The following IQCM variants were observed in gnomAD, a reference collection of about 807,000 sequenced individuals.
The protein encoded by IQCM is IQ domain-containing protein M.
A neutral mutation model predicts 57.6 loss-of-function variants in IQCM; 45 were observed. The observed-to-expected ratio is 0.78, with a 90% CI of 0.62 to 1.00. IQCM has a LOEUF of 1.00. Among genes scored for constraint, IQCM ranks in the 50% least tolerant of loss-of-function variants. IQCM has a pLI of 0.00. For missense variants in IQCM, 468 were observed against 511.6 expected, an observed-to-expected ratio of 0.91 and a Z score of 0.82; for synonymous variants, 148 against 158.9, an observed-to-expected ratio of 0.93 and a Z score of 0.51.
chr4:149,454,914 A>C (rs1737523290), intron 12 of IQCM, among the ~76,000 whole-genome samples: 1 of 151,952 alleles, frequency 6.6e-6, no homozygotes, highest in Non-Finnish European at 1.5e-5. Flanking sequence ...TTATGTTTGC[A>C]ATGAAGAAAA....
At chr4:149,627,858 G>A (rs369500589) in intron 7 of IQCM, among the ~76,000 whole-genome samples, 1 of 152,190 alleles carries the variant, frequency 6.6e-6, no homozygotes, top group Non-Finnish European at 1.5e-5. Context: ...CCTTACAAGA[G>A]AGGCAGAGGC....
intron 2 of IQCM, among the ~76,000 whole-genome samples, chr4:149,786,577 A>G (rs1187655105): frequency 6.6e-6 from 1 of 152,240 alleles, no homozygotes; most frequent in African/African-American, 2.4e-5. Context: ...AACATATGAA[A>G]AAAGCCCAAC....
chr4:149,556,662 T>G (rs1296644067), intron 10 of IQCM, among the ~76,000 whole-genome samples: 1 of 152,176 alleles, frequency 6.6e-6, no homozygotes, highest in Non-Finnish European at 1.5e-5. Flanking sequence ...GAAATAAAAA[T>G]TGAACATTCT....
At chr4:149,358,992 AAG>A (rs1729277671) in intron 13 of IQCM, among the ~76,000 whole-genome samples, 1 of 142,672 alleles carries the variant, frequency 7.0e-6, no homozygotes, top group Non-Finnish European at 1.5e-5. Flanking sequence ...GAAAAGTAAA[AAG>A]AAAGAAAAAA....
At chr4:149,599,643 A>C (rs1754089172) in intron 8 of IQCM, among the ~76,000 whole-genome samples, 1 of 152,096 alleles carries the variant, frequency 6.6e-6, no homozygotes. Context: ...CTTGAGCTTA[A>C]ATTGAGCATA....
intron 12 of IQCM, among the ~76,000 whole-genome samples, chr4:149,488,145 A>G (rs888915488): frequency 3.3e-5 from 5 of 152,236 alleles, no homozygotes; most frequent in African/African-American, 1.2e-4. Flanking sequence ...CTTCATATAA[A>G]TTTATTGGTA....
chr4:149,782,824 G>A (rs1246217312), intron 2 of IQCM, among the ~76,000 whole-genome samples: 1 of 152,126 alleles, frequency 6.6e-6, no homozygotes, highest in Non-Finnish European at 1.5e-5. Context: ...TGATAATCAT[G>A]TGAAACATTT....
At chr4:149,790,302 G>A (rs572121273) in intron 2 of IQCM, 3 of 241,418 alleles carry the variant, frequency 1.2e-5, no homozygotes, top group African/African-American at 6.9e-5. Context: ...TATGTTTCAT[G>A]AATCATGTAT....
intron 5 of IQCM, among the ~76,000 whole-genome samples, chr4:149,713,087 A>G (rs1026888473): frequency 6.6e-6 from 1 of 151,802 alleles, no homozygotes. Flanking sequence ...CTAAAACAAA[A>G]TATTAAAACA....
chr4:149,750,665 A>C (rs1768348991), intron 2 of IQCM, among the ~76,000 whole-genome samples: 1 of 152,214 alleles, frequency 6.6e-6, no homozygotes, highest in Non-Finnish European at 1.5e-5. Flanking sequence ...ATAAAAGTAC[A>C]TTCTCCCAGT....
chr4:149,727,875 T>C (rs775377879), intron 5 of IQCM, among the ~76,000 whole-genome samples: 13 of 152,222 alleles, frequency 8.5e-5, no homozygotes, highest in Non-Finnish European at 1.3e-4. Context: ...AGTGGTGTGC[T>C]GCAGCAAGCT....
intron 5 of IQCM, among the ~76,000 whole-genome samples, chr4:149,731,059 G>A (rs1220785959): frequency 6.6e-6 from 1 of 152,066 alleles, no homozygotes; most frequent in East Asian, 1.9e-4. Flanking sequence ...GTCTAAAACT[G>A]AATTCGTTAT....
chr4:149,470,518 A>C (rs1475291073), intron 12 of IQCM, among the ~76,000 whole-genome samples: 1 of 152,130 alleles, frequency 6.6e-6, no homozygotes, highest in Non-Finnish European at 1.5e-5. Context: ...CCACACAATA[A>C]TAATGGGAGA....
intron 13 of IQCM, among the ~76,000 whole-genome samples, chr4:149,387,934 T>C (rs1171767834): frequency 6.6e-6 from 1 of 152,040 alleles, no homozygotes; most frequent in African/African-American, 2.4e-5. Flanking sequence ...AATGGGATCA[T>C]GTAATATTCC....
At chr4:149,433,670 T>G (rs577597372) in intron 12 of IQCM, 113 bp from the exon 13 acceptor site, 1 of 412,686 alleles carries the variant, frequency 2.4e-6, no homozygotes, top group Admixed American at 4.5e-5. Context: ...CAGGTCACAC[T>G]GAAAACATGT....
At chr4:149,422,369 T>C (rs148136500) in intron 13 of IQCM, among the ~76,000 whole-genome samples, 4 of 152,086 alleles carry the variant, frequency 2.6e-5, no homozygotes, top group South Asian at 2.1e-4. Context: ...TAGGGTACCT[T>C]AGTCCAAGGC....
chr4:149,801,191 T>C (rs1308213913), intron 2 of IQCM, among the ~76,000 whole-genome samples: 1 of 151,784 alleles, frequency 6.6e-6, no homozygotes, highest in African/African-American at 2.4e-5. Flanking sequence ...AATGAGATCA[T>C]CTCACCCCAA....
intron 2 of IQCM, among the ~76,000 whole-genome samples, chr4:149,760,053 G>A (rs1315475175): frequency 6.6e-6 from 1 of 150,376 alleles, no homozygotes; most frequent in Non-Finnish European, 1.5e-5. Flanking sequence ...AGGGAGGGAC[G>A]GAGGAATATT....
intron 12 of IQCM, among the ~76,000 whole-genome samples, chr4:149,444,479 G>A (rs1736292321): frequency 6.6e-6 from 1 of 151,774 alleles, no homozygotes; most frequent in Admixed American, 6.6e-5. Flanking sequence ...ATTTCCCTTT[G>A]GGTTTCTTCT....
Sources: allele counts gnomAD v4.1 joint callset (sites outside exome capture counted in the v4.1 genomes callset), GRCh38; gene constraint gnomAD v4.1.1; transcripts MANE v1.5; gene names NCBI Gene and HGNC (gene_info 2026-07-23, HGNC 2026-07-21).